PCDHGB1: variants seen among roughly 807,000 people sequenced by gnomAD.
The protein encoded by PCDHGB1 is protocadherin gamma-B1.
A neutral mutation model predicts 56.6 loss-of-function variants in PCDHGB1; 34 were observed. The observed-to-expected ratio is 0.60, with a 90% CI of 0.46 to 0.80. PCDHGB1 has a LOEUF of 0.80. Ranked by LOEUF, PCDHGB1 falls within the 30% of genes least tolerant of loss-of-function variation. The pLI, the probability that PCDHGB1 is intolerant of heterozygous loss-of-function variation, is 0.00. For synonymous variants in PCDHGB1, 561 were observed against 505.9 expected (o/e 1.11, Z -1.46); for missense variants, 1,278 against 1,204.6 (o/e 1.06, Z -0.90).
At position 141,478,875 on chromosome 5, in the gene PCDHGB1, G is replaced by A. The variant is rs913320768; in HGVS notation, c.2410-15932G>A. On this transcript the variant is annotated intron_variant, in intron 1 of 3. Coordinates refer to ENST00000523390, the MANE Select transcript of PCDHGB1 (RefSeq NM_018922.3). ...ACAAGATCTCAGCGATCAGAGTTTA[G>A]CTTGGTATCATTTACATTAGGAATA... The A allele has an allele frequency of 2.4e-6, 3 of 1,273,470 alleles. No homozygotes were observed. The South Asian group carries it at 4.8e-5, about 21-fold the overall frequency. 78.9% of individuals were successfully genotyped at this position (1,273,470 alleles called of 1,614,324 possible).
chr5:141,423,065 G>C, intron 1 of PCDHGB1: 1 of 1,614,138 alleles, frequency 6.2e-7, no homozygotes, highest in Non-Finnish European at 8.5e-7. Flanking sequence ...CTTAAGGCCA[G>C]CGAGCCGGGA....
chr5:141,480,273 G>A (rs2099516030), intron 1 of PCDHGB1, among the ~76,000 whole-genome samples: 1 of 151,956 alleles, frequency 6.6e-6, no homozygotes, highest in Non-Finnish European at 1.5e-5. Flanking sequence ...TCATTAGCTG[G>A]GTGTGTTGGC....
chr5:141,436,519 C>A (rs770168763), intron 1 of PCDHGB1, among the ~76,000 whole-genome samples: 2 of 152,140 alleles, frequency 1.3e-5, no homozygotes, highest in African/African-American at 2.4e-5. Context: ...TTAACTGTGT[C>A]ACCTTTAGCA....
chr5:141,432,797 T>C lies in PCDHGB1; in HGVS notation c.2410-62010T>C, dbSNP rs1591218426. On this transcript the variant is annotated intron_variant, in intron 1 of 3. Coordinates refer to ENST00000523390, the MANE Select transcript of PCDHGB1 (RefSeq NM_018922.3). The surrounding 1 kb of genome is among the most constrained non-coding windows in gnomAD (Gnocchi z 6.0). The stretch of plus-strand genomic sequence containing the variant: ...CCTGGCGGACCTCGGCAGCCTCGAG[T>C]CTCCAGCTAACTCTGAAACCTCAGA... 2.5e-6 allele frequency: 4 copies of C among 1,613,752 alleles called. No individual in the cohort carries two copies. The highest frequency in any genetic ancestry group is 2.7e-5 in the African/African-American group (2 of 74,816).
chr5:141,393,382 T>C (rs778957877), intron 1 of PCDHGB1: 7 of 1,613,948 alleles, frequency 4.3e-6, no homozygotes, highest in Non-Finnish European at 5.9e-6. Flanking sequence ...AATGGAGCCA[T>C]AAACCCAGAG....
intron 1 of PCDHGB1, chr5:141,405,271 C>T: frequency 3.1e-6 from 5 of 1,614,094 alleles, no homozygotes; most frequent in Non-Finnish European, 4.2e-6. Flanking sequence ...TCCCCCAGCC[C>T]AACTATGCAG....
intron 1 of PCDHGB1, chr5:141,478,902 GCTGCTGGATAC>G: frequency 1.0e-6 from 1 of 978,788 alleles, no homozygotes. Context: ...TTAGGAATAA[GCTGCTGGATAC>G]CTCTAACCAG....
At chr5:141,380,483 A>G (rs1460206090) in intron 1 of PCDHGB1, among the ~76,000 whole-genome samples, 1 of 152,208 alleles carries the variant, frequency 6.6e-6, no homozygotes, top group Non-Finnish European at 1.5e-5. Flanking sequence ...TCTTCCCAAT[A>G]TCTCAGTCAA....
At chr5:141,475,059 G>T (rs2099358742) in intron 1 of PCDHGB1, among the ~76,000 whole-genome samples, 1 of 152,180 alleles carries the variant, frequency 6.6e-6, no homozygotes, top group South Asian at 2.1e-4. Flanking sequence ...AAAGATTTGT[G>T]GAGCTTTGCT....
intron 1 of PCDHGB1, chr5:141,370,753 C>G: frequency 6.2e-7 from 1 of 1,613,950 alleles, no homozygotes; most frequent in Non-Finnish European, 8.5e-7. Flanking sequence ...TTTCATGTAA[C>G]TGTGCTGATC....
intron 1 of PCDHGB1, chr5:141,403,774 C>T (rs1350465491): frequency 1.9e-6 from 3 of 1,613,668 alleles, no homozygotes; most frequent in Non-Finnish European, 1.7e-6. Flanking sequence ...AGGGAATCAA[C>T]GGAAAAGTGG....
chr5:141,350,670 T>C lies in PCDHGB1; in HGVS notation c.410T>C (p.Leu137Ser), dbSNP rs970651828. Residue 137 changes from leucine to serine, a missense_variant, in exon 1 of 4, where the codon TTA becomes TCA. Leu to Ser is a moderately radical substitution (Grantham distance 145). Coordinates refer to ENST00000523390, the MANE Select transcript of PCDHGB1 (RefSeq NM_018922.3). ...APRFVAKGID[L>S]EICESALPGV... ...CGTTTCGTTGCAAAAGGCATTGACT[T>C]AGAAATTTGTGAGTCAGCCTTACCC... 5 of 1,613,886 alleles carry C rather than the reference T, an allele frequency of 3.1e-6. No individual in the cohort carries two copies. Among genetic ancestry groups the C allele is most frequent in the Non-Finnish European group, 4.2e-6 (5 of 1,179,884 alleles).
At chr5:141,427,059 G>C (rs751016646) in intron 1 of PCDHGB1, 1 of 457,744 alleles carries the variant, frequency 2.2e-6, no homozygotes, top group South Asian at 1.5e-5. Context: ...AGGCACCTCT[G>C]TACTAAAGGT....
intron 1 of PCDHGB1, chr5:141,391,466 C>T (rs375470029): frequency 2.6e-5 from 4 of 152,276 alleles, no homozygotes; most frequent in East Asian, 3.9e-4. Context: ...CTCATGCCAC[C>T]AGACCTGGCT....
At chr5:141,400,830 T>G (rs1194053653) in intron 1 of PCDHGB1, among the ~76,000 whole-genome samples, 2 of 152,244 alleles carry the variant, frequency 1.3e-5, no homozygotes, top group African/African-American at 2.4e-5. Flanking sequence ...GTTGTCTCAT[T>G]CTTTAACATG....
intron 1 of PCDHGB1, chr5:141,357,431 A>T: frequency 6.2e-7 from 1 of 1,614,198 alleles, no homozygotes; most frequent in Non-Finnish European, 8.5e-7. Context: ...GTGGGCGTGG[A>T]CGGGGTTCGG....
At position 141,384,552 on chromosome 5, in the gene PCDHGB1, C is replaced by A. The variant is rs752995629; in HGVS notation, c.2409+31883C>A. ...GCAGCAACATGTCACTGAGCCTGTTCGTGCTGGACCAGAATGACAACCCGC... is the reference window on the plus strand; with the variant it reads ...GCAGCAACATGTCACTGAGCCTGTTAGTGCTGGACCAGAATGACAACCCGC... On this transcript the variant is annotated intron_variant, in intron 1 of 3. Transcript: ENST00000523390. 1.4e-5 allele frequency: 22 copies of A among 1,614,148 alleles called. No individual in the cohort carries two copies. In the Admixed American group the frequency reaches 3.0e-4, roughly 22 times the overall value.
chr5:141,372,572 C>T (rs1199574805), intron 1 of PCDHGB1: 4 of 1,614,056 alleles, frequency 2.5e-6, no homozygotes, highest in East Asian at 4.5e-5. Flanking sequence ...CTGAGGGCTA[C>T]TTTCAGCCTG....
chr5:141,412,131 G>A (rs2095537626), intron 1 of PCDHGB1: 1 of 152,156 alleles, frequency 6.6e-6, no homozygotes, highest in Non-Finnish European at 1.5e-5. Flanking sequence ...CTGGACTTTG[G>A]CCTCTGATAC....
Sources: gnomAD v4.1 joint callset for allele counts (sites outside exome capture counted in the v4.1 genomes callset) on GRCh38, gnomAD v4.1.1 for gene constraint, Gnocchi (gnomAD v3.1) non-coding constraint, MANE v1.5 for transcripts, NCBI Gene and HGNC (gene_info 2026-07-23, HGNC 2026-07-21) for gene names.